Variants in FHIT observed in about 807,000 individuals in gnomAD.
FHIT encodes bis(5'-adenosyl)-triphosphatase.
A neutral mutation model predicts 17.9 loss-of-function variants in FHIT; 19 were observed. The ratio of observed to expected loss-of-function variants is 1.06; its 90% CI spans 0.74 to 1.56. The LOEUF is 1.56. Ranked by LOEUF, FHIT falls within the 40% of genes most tolerant of loss-of-function variation. FHIT has a pLI of 0.00. For missense variants in FHIT, 248 were observed against 189.2 expected (o/e 1.31, Z -1.82); for synonymous variants, 81 against 69.7 (o/e 1.16, Z -0.81).
At chr3:59,822,362 G>A (rs1700824500) in intron 8 of FHIT, among the ~76,000 whole-genome samples, 1 of 152,124 alleles carries the variant, frequency 6.6e-6, no homozygotes, top group East Asian at 1.9e-4. Flanking sequence ...AGTTCTTTAA[G>A]GAATTTCCAC....
At chr3:60,233,259 C>G (rs1381262388) in intron 5 of FHIT, among the ~76,000 whole-genome samples, 1 of 152,178 alleles carries the variant, frequency 6.6e-6, no homozygotes, top group East Asian at 1.9e-4. Flanking sequence ...ATTTAATGAT[C>G]TGACTGATGC....
intron 4 of FHIT, among the ~76,000 whole-genome samples, chr3:60,802,756 T>C (rs1208233913): frequency 7.6e-6 from 1 of 131,800 alleles, no homozygotes; most frequent in Non-Finnish European, 1.7e-5. Flanking sequence ...GGTGCCAGCA[T>C]CAAATAAACA....
At chr3:59,876,172 A>G (rs1161339464) in intron 8 of FHIT, among the ~76,000 whole-genome samples, 1 of 151,992 alleles carries the variant, frequency 6.6e-6, no homozygotes, top group Non-Finnish European at 1.5e-5. Flanking sequence ...AGTAAATTTT[A>G]TGTTATGTGT....
intron 3 of FHIT, among the ~76,000 whole-genome samples, chr3:60,852,834 T>C (rs545050040): frequency 1.3e-5 from 2 of 151,954 alleles, no homozygotes; most frequent in African/African-American, 4.8e-5. Flanking sequence ...TGAGACCCTA[T>C]CCCCTAAAAA....
At chr3:59,877,531 G>T (rs1386019990) in intron 8 of FHIT, among the ~76,000 whole-genome samples, 1 of 152,168 alleles carries the variant, frequency 6.6e-6, no homozygotes, top group Non-Finnish European at 1.5e-5. Context: ...AGGCTTGTGG[G>T]ACATGTAAAC....
At chr3:60,501,847 G>A (rs1425332120) in intron 5 of FHIT, among the ~76,000 whole-genome samples, 1 of 152,200 alleles carries the variant, frequency 6.6e-6, no homozygotes, top group Non-Finnish European at 1.5e-5. Flanking sequence ...TATATTACGT[G>A]CATACACATG....
chr3:59,758,612 G>T (rs924055245), intron 8 of FHIT, among the ~76,000 whole-genome samples: 1 of 152,138 alleles, frequency 6.6e-6, no homozygotes, highest in Non-Finnish European at 1.5e-5. Context: ...ACACCTCTAA[G>T]AGAAAGAGAA....
intron 8 of FHIT, among the ~76,000 whole-genome samples, chr3:59,755,487 G>GTAGTT (rs1246084883): frequency 3.9e-5 from 6 of 152,336 alleles, no homozygotes; most frequent in Admixed American, 3.3e-4. Flanking sequence ...ATCTTAAATA[G>GTAGTT]TAGTTTATCC....
intron 4 of FHIT, among the ~76,000 whole-genome samples, chr3:60,634,651 T>C (rs1307094755): frequency 6.6e-6 from 1 of 152,200 alleles, no homozygotes; most frequent in African/African-American, 2.4e-5. Context: ...CAGAGTTTCC[T>C]CTGATGCTGC....
intron 2 of FHIT, among the ~76,000 whole-genome samples, chr3:61,089,240 G>A (rs1329817821): frequency 6.6e-6 from 1 of 152,130 alleles, no homozygotes; most frequent in Non-Finnish European, 1.5e-5. Flanking sequence ...TATCCGTAAC[G>A]TAAAATTTAC....
intron 5 of FHIT, among the ~76,000 whole-genome samples, chr3:60,398,738 G>A (rs777386378): frequency 2.0e-5 from 3 of 152,064 alleles, no homozygotes; most frequent in Non-Finnish European, 2.9e-5. Context: ...TCCAAATTTT[G>A]TGGAAGGAAT....
intron 5 of FHIT, among the ~76,000 whole-genome samples, chr3:60,246,808 G>T (rs1705418446): frequency 1.3e-5 from 2 of 152,118 alleles, no homozygotes; most frequent in Non-Finnish European, 2.9e-5. Flanking sequence ...CTCTGCTGCA[G>T]TTGAAGCAAA....
intron 5 of FHIT, among the ~76,000 whole-genome samples, chr3:60,113,407 G>T (rs763968273): frequency 2.0e-5 from 3 of 151,178 alleles, no homozygotes; most frequent in Non-Finnish European, 4.4e-5. Context: ...TTTAAAAGGG[G>T]ATGAGAAAGA....
chr3:61,075,133 T>G (rs576888160), intron 2 of FHIT, among the ~76,000 whole-genome samples: 38 of 152,150 alleles, frequency 2.5e-4, no homozygotes, highest in Non-Finnish European at 4.3e-4. Context: ...CTGGCTAAAC[T>G]CCTTTTGGGA....
chr3:61,034,502 C>A (rs916471731), intron 3 of FHIT, among the ~76,000 whole-genome samples: 1 of 152,078 alleles, frequency 6.6e-6, no homozygotes, highest in East Asian at 1.9e-4. Context: ...CCAGAAAAAA[C>A]ATGCAAATAG....
chr3:59,978,344 A>T (rs1708503572), intron 7 of FHIT, among the ~76,000 whole-genome samples: 1 of 152,110 alleles, frequency 6.6e-6, no homozygotes, highest in African/African-American at 2.4e-5. Context: ...CTTATTTAAA[A>T]TTTAAAGTAC....
At chr3:60,516,068 A>T (rs2035142826) in intron 5 of FHIT, among the ~76,000 whole-genome samples, 1 of 152,174 alleles carries the variant, frequency 6.6e-6, no homozygotes, top group Non-Finnish European at 1.5e-5. Flanking sequence ...AGGAGTGGGG[A>T]AACATACTAT....
intron 5 of FHIT, among the ~76,000 whole-genome samples, chr3:60,523,475 G>C (rs2035451892): frequency 6.6e-6 from 1 of 152,016 alleles, no homozygotes; most frequent in Admixed American, 6.6e-5. Context: ...TCAGAAGAAG[G>C]TTTCATCAAA....
At chr3:61,189,287 T>A (rs1042532152) in intron 2 of FHIT, among the ~76,000 whole-genome samples, 1 of 152,012 alleles carries the variant, frequency 6.6e-6, no homozygotes, top group Non-Finnish European at 1.5e-5. Flanking sequence ...TATACACCAA[T>A]AACAGACAAA....
Sources: gnomAD v4.1 joint callset for allele counts (sites outside exome capture counted in the v4.1 genomes callset) on GRCh38, gnomAD v4.1.1 for gene constraint, MANE v1.5 for transcripts, NCBI Gene and HGNC (gene_info 2026-07-23, HGNC 2026-07-21) for gene names.